The following RORA variants were observed in gnomAD, a reference collection of about 807,000 sequenced individuals.
The protein encoded by RORA is nuclear receptor ROR-alpha.
A neutral mutation model predicts 69.5 loss-of-function variants in RORA; 7 were observed. That is an observed-to-expected ratio of 0.10 (90% confidence interval 0.06 to 0.19). The LOEUF is 0.19. RORA is among the 10% of genes least tolerant of loss of function. The pLI is 1.00. For missense variants in RORA, 457 were observed against 663.0 expected (o/e 0.69, Z 3.41); for synonymous variants, 261 against 240.8 (o/e 1.08, Z -0.78).
At chr15:60,754,957 C>T (rs1290158959) in intron 1 of RORA, among the ~76,000 whole-genome samples, 3 of 149,560 alleles carry the variant, frequency 2.0e-5, no homozygotes, top group Non-Finnish European at 3.0e-5. Context: ...AAACTCAGTG[C>T]ACTTCTTGAA....
At chr15:60,781,969 G>C (rs905457496) in intron 1 of RORA, among the ~76,000 whole-genome samples, 1 of 152,222 alleles carries the variant, frequency 6.6e-6, no homozygotes, top group Non-Finnish European at 1.5e-5. Context: ...GTTCACGCCT[G>C]TAATCCCAGC....
intron 1 of RORA, among the ~76,000 whole-genome samples, chr15:61,143,278 A>G (rs2079317513): frequency 6.6e-6 from 1 of 152,120 alleles, no homozygotes; most frequent in African/African-American, 2.4e-5. Context: ...AATTCACAAG[A>G]AAAAAATTTT....
At chr15:60,603,240 T>C (rs924675534) in intron 2 of RORA, among the ~76,000 whole-genome samples, 5 of 152,210 alleles carry the variant, frequency 3.3e-5, no homozygotes, top group African/African-American at 1.2e-4. Flanking sequence ...GTACAGGCTG[T>C]GGTGTGAACC....
intron 1 of RORA, among the ~76,000 whole-genome samples, chr15:61,185,241 A>C (rs2079730055): frequency 6.6e-6 from 1 of 152,074 alleles, no homozygotes; most frequent in African/African-American, 2.4e-5. Context: ...TTATCTGCTG[A>C]CACTCTGATT....
intron 1 of RORA, among the ~76,000 whole-genome samples, chr15:60,792,274 G>A (rs1001178595): frequency 2.6e-5 from 4 of 152,144 alleles, no homozygotes; most frequent in African/African-American, 9.7e-5. Flanking sequence ...AGAAAATAAT[G>A]AAGAAGAGTG....
chr15:60,708,400 C>G (rs2071096742), intron 1 of RORA, among the ~76,000 whole-genome samples: 4 of 133,578 alleles, frequency 3.0e-5, no homozygotes, highest in African/African-American at 1.1e-4. Flanking sequence ...CCAGCCTGGG[C>G]AACAGAGACT....
intron 2 of RORA, among the ~76,000 whole-genome samples, chr15:60,618,378 A>G (rs2069312398): frequency 6.6e-6 from 1 of 152,192 alleles, no homozygotes; most frequent in African/African-American, 2.4e-5. Context: ...AGGTGGTGAC[A>G]CAGATCCCAT....
intron 5 of RORA, among the ~76,000 whole-genome samples, chr15:60,507,703 A>C (rs2065555731): frequency 6.6e-6 from 1 of 152,178 alleles, no homozygotes; most frequent in African/African-American, 2.4e-5. Context: ...AAGAACTCTC[A>C]CTATATAAGG....
intron 1 of RORA, among the ~76,000 whole-genome samples, chr15:60,756,236 T>C (rs1416236578): frequency 6.6e-6 from 1 of 152,264 alleles, no homozygotes; most frequent in Non-Finnish European, 1.5e-5. Context: ...CACCTACCTG[T>C]GCTCATGACT....
At chr15:60,591,602 G>A (rs1400432099) in intron 2 of RORA, among the ~76,000 whole-genome samples, 1 of 151,842 alleles carries the variant, frequency 6.6e-6, no homozygotes, top group African/African-American at 2.4e-5. Flanking sequence ...ACCCGCGCCC[G>A]TCGGCCCTCA....
intron 1 of RORA, among the ~76,000 whole-genome samples, chr15:60,840,585 A>G (rs953562790): frequency 1.3e-5 from 2 of 152,224 alleles, no homozygotes; most frequent in Non-Finnish European, 2.9e-5. Flanking sequence ...AAAAGAATCA[A>G]GAGAGTGAGA....
intron 1 of RORA, among the ~76,000 whole-genome samples, chr15:60,827,679 T>A (rs2072984394): frequency 6.6e-6 from 1 of 152,086 alleles, no homozygotes; most frequent in African/African-American, 2.4e-5. Context: ...GAGAGGGGGC[T>A]CCTGAGGAAT....
At chr15:60,619,537 CAT>C (rs2069347435) in intron 2 of RORA, among the ~76,000 whole-genome samples, 1 of 152,194 alleles carries the variant, frequency 6.6e-6, no homozygotes, top group Admixed American at 6.5e-5. Flanking sequence ...AATATCATAA[CAT>C]ATAAGTCAAC....
intron 1 of RORA, among the ~76,000 whole-genome samples, chr15:61,110,057 G>A (rs2078989197): frequency 6.6e-6 from 1 of 152,058 alleles, no homozygotes; most frequent in African/African-American, 2.4e-5. Context: ...ACACATTTGT[G>A]GTGATGCTGG....
chr15:60,921,005 C>G (rs1366807892), intron 1 of RORA, among the ~76,000 whole-genome samples: 1 of 152,200 alleles, frequency 6.6e-6, no homozygotes, highest in African/African-American at 2.4e-5. Flanking sequence ...AAATTGCAGT[C>G]TTGGTTCTAC....
At chr15:60,656,954 T>C (rs942340889) in intron 2 of RORA, among the ~76,000 whole-genome samples, 9 of 152,198 alleles carry the variant, frequency 5.9e-5, no homozygotes, top group African/African-American at 2.2e-4. Flanking sequence ...TATTACTCCC[T>C]AGTGACTCTC....
At chr15:60,643,664 C>T (rs1266598368) in intron 2 of RORA, among the ~76,000 whole-genome samples, 1 of 152,140 alleles carries the variant, frequency 6.6e-6, no homozygotes, top group Non-Finnish European at 1.5e-5. Flanking sequence ...GCGACACCCC[C>T]TAGCCTGACC....
intron 1 of RORA, among the ~76,000 whole-genome samples, chr15:61,119,160 G>A (rs1007576430): frequency 2.0e-5 from 3 of 151,030 alleles, no homozygotes; most frequent in East Asian, 2.0e-4. Flanking sequence ...AGGGAGGACC[G>A]CTTCCCAGAG....
intron 1 of RORA, among the ~76,000 whole-genome samples, chr15:61,054,030 A>G: frequency 6.6e-6 from 1 of 151,964 alleles, no homozygotes; most frequent in East Asian, 1.9e-4. Flanking sequence ...AAAATAGACT[A>G]CATTACATTT....
Sources: allele counts gnomAD v4.1 joint callset (sites outside exome capture counted in the v4.1 genomes callset), GRCh38; gene constraint gnomAD v4.1.1; transcripts MANE v1.5; gene names NCBI Gene and HGNC (gene_info 2026-07-23, HGNC 2026-07-21).